Variants in DGLUCY observed in about 807,000 individuals in gnomAD.
DGLUCY encodes D-glutamate cyclase, also known as D-glutamate cyclase, mitochondrial.
A neutral mutation model predicts 58.5 loss-of-function variants in DGLUCY; 58 were observed. The observed-to-expected ratio is 0.99, with a 90% CI of 0.80 to 1.23. The LOEUF is 1.23. Ranked by LOEUF, DGLUCY falls within the 50% of genes most tolerant of loss-of-function variation. The pLI is 0.00. For synonymous variants in DGLUCY, 325 were observed against 314.1 expected (o/e 1.03, Z -0.37); for missense variants, 779 against 784.7 (o/e 0.99, Z 0.09).
chr14:91,111,493 G>C (rs907078565), upstream of DGLUCY, among the ~76,000 whole-genome samples: 1 of 152,072 alleles, frequency 6.6e-6, no homozygotes, highest in Non-Finnish European at 1.5e-5. Flanking sequence ...ATGTTGACCA[G>C]GATGGTCTCA....
chr14:91,160,070 G>T (rs562705841), intron 2 of DGLUCY, among the ~76,000 whole-genome samples, 196 bp from the exon 3 acceptor site: 1 of 152,140 alleles, frequency 6.6e-6, no homozygotes, highest in Admixed American at 6.5e-5. Context: ...GGAAGTTTGC[G>T]TTAGGAATTT....
chr14:91,224,249 C>T (rs1012314320), intron 13 of DGLUCY, among the ~76,000 whole-genome samples: 8 of 152,136 alleles, frequency 5.3e-5, no homozygotes, highest in Non-Finnish European at 8.8e-5. Context: ...GCAGGCTGGC[C>T]GGGCACAGTG....
At chr14:91,124,057 A>G (rs2045544214) in intron 1 of DGLUCY, among the ~76,000 whole-genome samples, 1 of 151,108 alleles carries the variant, frequency 6.6e-6, no homozygotes, top group Non-Finnish European at 1.5e-5. Context: ...CTTCCTGAGT[A>G]GCTGGGACTA....
At chr14:91,129,139 T>C (rs1240164754) in intron 1 of DGLUCY, among the ~76,000 whole-genome samples, 1 of 152,218 alleles carries the variant, frequency 6.6e-6, no homozygotes, top group African/African-American at 2.4e-5. Context: ...TACACACTTT[T>C]TATCTTTTCT....
At chr14:91,122,174 T>C (rs916333924) in intron 1 of DGLUCY, among the ~76,000 whole-genome samples, 2 of 152,080 alleles carry the variant, frequency 1.3e-5, no homozygotes, top group Non-Finnish European at 2.9e-5. Context: ...TTTTATTTTT[T>C]TTTTTGAGAC....
chr14:91,203,239 T>C (rs561122874), intron 11 of DGLUCY, among the ~76,000 whole-genome samples: 2 of 152,360 alleles, frequency 1.3e-5, no homozygotes, highest in South Asian at 4.1e-4. Flanking sequence ...TGGGCTGTCA[T>C]AGATCTAGAG....
intron 1 of DGLUCY, among the ~76,000 whole-genome samples, chr14:91,066,575 T>G (rs1280761021): frequency 6.6e-6 from 1 of 152,086 alleles, no homozygotes; most frequent in Non-Finnish European, 1.5e-5. Context: ...GAGGATCACT[T>G]GAGCCCAGGA....
upstream of DGLUCY, among the ~76,000 whole-genome samples, chr14:91,103,005 G>A (rs1377904580): frequency 1.3e-5 from 2 of 151,790 alleles, no homozygotes; most frequent in African/African-American, 2.4e-5. Context: ...CAAATGATCC[G>A]CCTGTCTCAG....
At chr14:91,167,962 TCTC>T (rs2048374175) in intron 4 of DGLUCY, among the ~76,000 whole-genome samples, 1 of 152,130 alleles carries the variant, frequency 6.6e-6, no homozygotes, top group African/African-American at 2.4e-5. Context: ...ATCATGTGGC[TCTC>T]CTCTTAAAAC....
upstream of DGLUCY, among the ~76,000 whole-genome samples, chr14:91,112,829 C>CT (rs1009834510): frequency 4.6e-5 from 7 of 151,562 alleles, no homozygotes; most frequent in African/African-American, 1.7e-4. Context: ...ACCATCCTGG[C>CT]TAACACGGTG....
At chr14:91,163,841 C>T (rs1294951310) in intron 3 of DGLUCY, among the ~76,000 whole-genome samples, 1 of 152,126 alleles carries the variant, frequency 6.6e-6, no homozygotes, top group African/African-American at 2.4e-5. Context: ...ACATAAAAAG[C>T]ACTCAGTAAA....
chr14:91,199,959 T>C, intron 11 of DGLUCY, 54 bp downstream of exon 11: 2 of 1,579,804 alleles, frequency 1.3e-6, no homozygotes, highest in Non-Finnish European at 1.7e-6. Flanking sequence ...GAAGTGTCTT[T>C]TGTTGTTGTT....
At chr14:91,075,780 C>CTGGA (rs935100186) in intron 1 of DGLUCY, among the ~76,000 whole-genome samples, 4 of 152,190 alleles carry the variant, frequency 2.6e-5, no homozygotes, top group African/African-American at 9.7e-5. Context: ...AGCATCTTTA[C>CTGGA]TGGACCCTTT....
chr14:91,114,419 G>A (rs1017024755), intron 1 of DGLUCY, 136 bp downstream of exon 1: 1 of 152,306 alleles, frequency 6.6e-6, no homozygotes, highest in Admixed American at 6.5e-5. Flanking sequence ...CAAAACCAGT[G>A]AGCAAGGCAG....
chr14:91,222,116 T>G (rs968170622), intron 13 of DGLUCY, among the ~76,000 whole-genome samples: 2 of 152,198 alleles, frequency 1.3e-5, no homozygotes, highest in Admixed American at 1.3e-4. Flanking sequence ...GCAGTGGCCT[T>G]CAGGCGCCCT....
At chr14:91,185,174 G>A (rs1221838483) in intron 8 of DGLUCY, among the ~76,000 whole-genome samples, 3 of 151,000 alleles carry the variant, frequency 2.0e-5, no homozygotes, top group Non-Finnish European at 4.4e-5. Flanking sequence ...TCACCATGTT[G>A]GCCAGGCTTG....
chr14:91,066,626 C>G (rs1410648795), intron 1 of DGLUCY, among the ~76,000 whole-genome samples: 1 of 151,978 alleles, frequency 6.6e-6, no homozygotes, highest in Non-Finnish European at 1.5e-5. Flanking sequence ...GACCCCATCT[C>G]TAAACCAAAG....
At chr14:91,120,949 T>G (rs1188358893) in intron 1 of DGLUCY, among the ~76,000 whole-genome samples, 1 of 152,196 alleles carries the variant, frequency 6.6e-6, no homozygotes, top group Non-Finnish European at 1.5e-5. Flanking sequence ...CCTCCTACCC[T>G]TAGTGCTCCT....
chr14:91,192,907 G>A (rs949230443), intron 9 of DGLUCY, among the ~76,000 whole-genome samples: 11 of 152,218 alleles, frequency 7.2e-5, no homozygotes, highest in Admixed American at 5.2e-4. Context: ...TATGAGGTGC[G>A]TCTATTAGAC....
Sources: allele counts gnomAD v4.1 joint callset (sites outside exome capture counted in the v4.1 genomes callset), GRCh38; gene constraint gnomAD v4.1.1; transcripts MANE v1.5; gene names NCBI Gene and HGNC (gene_info 2026-07-23, HGNC 2026-07-21).